DACH2: variants seen among roughly 807,000 people sequenced by gnomAD.
The protein encoded by DACH2 is dachshund family transcription factor 2, also known as dachshund homolog 2.
DACH2 carries 17 observed loss-of-function variants against 35.8 expected under a neutral mutation model. The ratio of observed to expected loss-of-function variants is 0.48; its 90% CI spans 0.33 to 0.71. DACH2 has a LOEUF of 0.71. Among genes scored for constraint, DACH2 ranks in the 30% least tolerant of loss-of-function variants. The pLI, the probability that DACH2 is intolerant of heterozygous loss-of-function variation, is 0.02. For synonymous variants in DACH2, 195 were observed against 177.3 expected, an observed-to-expected ratio of 1.10 and a Z score of -0.79; for missense variants, 469 against 472.7, an observed-to-expected ratio of 0.99 and a Z score of 0.07.
intron 1 of DACH2, among the ~76,000 whole-genome samples, chrX:86,255,962 G>A (rs1337408922): frequency 2.7e-5 from 3 of 111,028 alleles, no homozygotes; most frequent in Non-Finnish European, 5.7e-5. Flanking sequence ...GTTGATTGAA[G>A]AACCTGCCCA....
At chrX:86,397,785 C>T (rs780215118) in intron 2 of DACH2, among the ~76,000 whole-genome samples, 3 of 111,557 alleles carry the variant, frequency 2.7e-5, no homozygotes, top group South Asian at 7.5e-4. Flanking sequence ...TTGCTGGATT[C>T]GGTTTGCCAT....
Position 86,359,622 on chromosome X carries a change from G to A in DACH2, c.489-17202G>A, listed in dbSNP as rs188306175. 4.5e-5 allele frequency among the ~76,000 whole-genome samples: 5 copies of A among 111,063 alleles called. No homozygotes were observed. The East Asian group carries it at 1.1e-3, about 26-fold the overall frequency. On this transcript the variant is annotated intron_variant, in intron 1 of 11. Transcript: ENST00000373125. ...AAATTAACTGCGTACAGTGGTGCAC[G>A]TCTGTAGTCCCAGCTACTTGGGAGG...
intron 3 of DACH2, among the ~76,000 whole-genome samples, chrX:86,621,964 G>A (rs1048831602): frequency 2.7e-5 from 3 of 111,388 alleles, no homozygotes; most frequent in South Asian, 3.7e-4. Context: ...TTTCAAGAAC[G>A]TTTCATAGGA....
intron 7 of DACH2, among the ~76,000 whole-genome samples, chrX:86,743,371 CTTTG>C (rs1161210904): frequency 9.0e-6 from 1 of 111,037 alleles, no homozygotes; most frequent in Non-Finnish European, 1.9e-5. Flanking sequence ...CTGAGTACAA[CTTTG>C]TTTGTAAGGC....
At chrX:86,519,927 A>G in intron 3 of DACH2, among the ~76,000 whole-genome samples, 1 of 108,491 alleles carries the variant, frequency 9.2e-6, no homozygotes, top group Non-Finnish European at 1.9e-5. Context: ...GATTTTTTTT[A>G]TTTCTTCTCT....
intron 2 of DACH2, among the ~76,000 whole-genome samples, chrX:86,484,751 T>G (rs1317429849): frequency 1.8e-5 from 2 of 112,231 alleles, no homozygotes; most frequent in Non-Finnish European, 3.8e-5. Context: ...TTACAGTGGT[T>G]ACAGTTCATC....
At chrX:86,239,569 G>C (rs1268089105) in intron 1 of DACH2, among the ~76,000 whole-genome samples, 1 of 111,776 alleles carries the variant, frequency 8.9e-6, no homozygotes, top group Non-Finnish European at 1.9e-5. Context: ...GCCATTGTAT[G>C]AATATAACAA....
chrX:86,725,403 A>C (rs2041455334), intron 6 of DACH2, among the ~76,000 whole-genome samples: 1 of 111,218 alleles, frequency 9.0e-6, no homozygotes, highest in African/African-American at 3.3e-5. Context: ...TAATCTATAC[A>C]TTTTTTTCTG....
chrX:86,382,248 G>A (rs1207514591), intron 2 of DACH2, among the ~76,000 whole-genome samples: 1 of 109,020 alleles, frequency 9.2e-6, no homozygotes, highest in Non-Finnish European at 1.9e-5. Flanking sequence ...ATTAGATTTT[G>A]TGTTTGGAGA....
At chrX:86,206,650 G>T (rs2032319800) in intron 1 of DACH2, among the ~76,000 whole-genome samples, 1 of 112,132 alleles carries the variant, frequency 8.9e-6, no homozygotes, top group Admixed American at 9.4e-5. Context: ...TGTAGTCATG[G>T]CAAAGTCATT....
intron 1 of DACH2, among the ~76,000 whole-genome samples, chrX:86,311,017 C>T (rs1321804217): frequency 9.0e-6 from 1 of 111,463 alleles, no homozygotes; most frequent in Non-Finnish European, 1.9e-5. Context: ...CTTGCTATGG[C>T]CACTGCTGGG....
chrX:86,685,706 AGG>A (rs2040934324), intron 4 of DACH2, among the ~76,000 whole-genome samples: 1 of 111,027 alleles, frequency 9.0e-6, no homozygotes, highest in African/African-American at 3.3e-5. Context: ...TGGAAGGCAA[AGG>A]GGGAATAGGC....
At chrX:86,270,537 G>T (rs1322067137) in intron 1 of DACH2, among the ~76,000 whole-genome samples, 1 of 111,415 alleles carries the variant, frequency 9.0e-6, no homozygotes, top group African/African-American at 3.3e-5. Context: ...TAAAAGATAT[G>T]GTTAGATAGA....
chrX:86,345,651 A>T lies in DACH2; in HGVS notation c.489-31173A>T, dbSNP rs777495187. ...TAGTATTATTCAATAAATTTATCAAATTTTTTAGTAAATATAACGGACCAT... is the reference window on the plus strand; with the variant it reads ...TAGTATTATTCAATAAATTTATCAATTTTTTTAGTAAATATAACGGACCAT... On this transcript the variant is annotated intron_variant, in intron 1 of 11. Transcript: ENST00000373125. Among the ~76,000 whole-genome samples, 5 of 112,257 alleles carry T rather than the reference A, an allele frequency of 4.5e-5. No individual in the cohort carries two copies. The South Asian group carries it at 1.1e-3, about 25-fold the overall frequency.
chrX:86,736,699 G>C (rs755920087), intron 6 of DACH2, among the ~76,000 whole-genome samples: 15 of 111,170 alleles, frequency 1.3e-4, no homozygotes, highest in Non-Finnish European at 2.3e-4. Context: ...TGAAACTGTA[G>C]GGATCACTTA....
chrX:86,201,008 C>T (rs1242041818), intron 1 of DACH2, among the ~76,000 whole-genome samples: 2 of 111,092 alleles, frequency 1.8e-5, no homozygotes, highest in Non-Finnish European at 3.8e-5. Context: ...CAGTGCTTTT[C>T]GCAGTAGAAA....
chrX:86,488,617 T>C (rs2038050690), intron 2 of DACH2, among the ~76,000 whole-genome samples: 1 of 111,154 alleles, frequency 9.0e-6, no homozygotes, highest in Non-Finnish European at 1.9e-5. Context: ...TTAAATATTC[T>C]TACCACAGGA....
chrX:86,529,825 T>G (rs769560556), intron 3 of DACH2, among the ~76,000 whole-genome samples: 6 of 110,656 alleles, frequency 5.4e-5, no homozygotes, highest in African/African-American at 2.0e-4. Flanking sequence ...ATGTTTGCCT[T>G]TCTGTGCATA....
chrX:86,504,048 A>G (rs1467161702), intron 2 of DACH2, among the ~76,000 whole-genome samples: 1 of 107,464 alleles, frequency 9.3e-6, no homozygotes. Context: ...ATGACTATTC[A>G]TTTAAATTGG....
Sources: gnomAD v4.1 joint callset for allele counts (sites outside exome capture counted in the v4.1 genomes callset) on GRCh38, gnomAD v4.1.1 for gene constraint, MANE v1.5 for transcripts, NCBI Gene and HGNC (gene_info 2026-07-23, HGNC 2026-07-21) for gene names.